The following BLTP1 variants were observed in gnomAD, a reference collection of about 807,000 sequenced individuals.
BLTP1 encodes fragile site-associated protein.
chr4:122,241,127 T>A, the BLTP1 span, among the ~76,000 whole-genome samples: 2 of 152,058 alleles, frequency 1.3e-5, no homozygotes, highest in African/African-American at 2.4e-5. Context: ...ACACCTAGAT[T>A]GTATTGAGAT....
the BLTP1 span, chr4:122,246,863 C>A: frequency 6.3e-7 from 1 of 1,582,424 alleles, no homozygotes; most frequent in East Asian, 2.3e-5. Flanking sequence ...GATGTAAAAG[C>A]AAGCCTTGAT....
At chr4:122,289,946 G>T in the BLTP1 span, 1 of 288,586 alleles carries the variant, frequency 3.5e-6, no homozygotes, top group African/African-American at 2.3e-5. Context: ...ATCAGAAAAG[G>T]CTTCTCAGAA....
chr4:122,216,136 T>TA, the BLTP1 span, among the ~76,000 whole-genome samples: 1 of 148,420 alleles, frequency 6.7e-6, no homozygotes. Context: ...TCTATCTATC[T>TA]ATCTATCTAC....
At chr4:122,298,269 G>A in the BLTP1 span, 2 of 925,608 alleles carry the variant, frequency 2.2e-6, no homozygotes, top group East Asian at 1.2e-4. Context: ...TGTGTTTGTT[G>A]TATCTCATGA....
chr4:122,288,903 T>G, the BLTP1 span: 1 of 344,036 alleles, frequency 2.9e-6, no homozygotes, highest in Non-Finnish European at 4.1e-6. Context: ...GGGAGTGTAC[T>G]ATAATAGTTT....
chr4:122,320,260 T>C, the BLTP1 span, among the ~76,000 whole-genome samples: 1 of 152,056 alleles, frequency 6.6e-6, no homozygotes, highest in Non-Finnish European at 1.5e-5. Flanking sequence ...GCAATCCTCC[T>C]GCTTCAGCCT....
the BLTP1 span, chr4:122,243,979 G>A: frequency 6.2e-7 from 1 of 1,610,762 alleles, no homozygotes; most frequent in Non-Finnish European, 8.5e-7. Context: ...GAAGTAAAAG[G>A]AACTGTTGAT....
At chr4:122,180,689 A>G in the BLTP1 span, among the ~76,000 whole-genome samples, 5 of 152,390 alleles carry the variant, frequency 3.3e-5, no homozygotes, top group South Asian at 1.0e-3. Flanking sequence ...GAAAAAAGAT[A>G]CGTATTTAAT....
the BLTP1 span, chr4:122,289,539 C>T: frequency 4.3e-5 from 42 of 984,008 alleles, no homozygotes; most frequent in South Asian, 1.7e-3. Context: ...TTGTCTATAC[C>T]AGATGATGGC....
the BLTP1 span, chr4:122,239,974 G>T: frequency 6.2e-7 from 1 of 1,614,134 alleles, no homozygotes; most frequent in Non-Finnish European, 8.5e-7. Context: ...TACAGTAGGG[G>T]TTCCATATAT....
At chr4:122,176,155 T>C in the BLTP1 span, among the ~76,000 whole-genome samples, 1 of 151,918 alleles carries the variant, frequency 6.6e-6, no homozygotes, top group Non-Finnish European at 1.5e-5. Context: ...TACAAAAAAT[T>C]AGCTGGGCGT....
the BLTP1 span, chr4:122,251,463 A>G: frequency 1.1e-6 from 1 of 929,062 alleles, no homozygotes; most frequent in Non-Finnish European, 1.3e-6. Flanking sequence ...GTTTTTATTT[A>G]ATATGTAGTT....
the BLTP1 span, among the ~76,000 whole-genome samples, chr4:122,153,748 G>A: frequency 1.3e-5 from 2 of 152,196 alleles, no homozygotes; most frequent in African/African-American, 4.8e-5. Context: ...TTAAACATAG[G>A]ATTTGATCTC....
At chr4:122,254,496 G>T in the BLTP1 span, 2 of 1,310,554 alleles carry the variant, frequency 1.5e-6, no homozygotes, top group East Asian at 5.1e-5. Context: ...CATATGTTCT[G>T]TAGACATTAG....
the BLTP1 span, chr4:122,209,855 A>G: frequency 1.2e-6 from 2 of 1,613,698 alleles, no homozygotes; most frequent in Admixed American, 1.7e-5. Context: ...CCCAAGTGTC[A>G]TGCTTACAAT....
the BLTP1 span, among the ~76,000 whole-genome samples, chr4:122,296,983 A>G: frequency 1.7e-4 from 26 of 152,254 alleles, no homozygotes; most frequent in South Asian, 2.7e-3. Context: ...GAAAATCTAG[A>G]CAATACCATT....
At chr4:122,200,805 G>C in the BLTP1 span, 2 of 801,116 alleles carry the variant, frequency 2.5e-6, no homozygotes, top group Non-Finnish European at 3.0e-6. Context: ...ACCACATCTT[G>C]ACTTAATATT....
chr4:122,235,728 G>C, the BLTP1 span: 10 of 152,330 alleles, frequency 6.6e-5, no homozygotes, highest in Admixed American at 2.6e-4. Flanking sequence ...TGGTGTGAAC[G>C]CGGGACGCGG....
chr4:122,216,425 C>T, the BLTP1 span, among the ~76,000 whole-genome samples: 1 of 152,130 alleles, frequency 6.6e-6, no homozygotes, highest in African/African-American at 2.4e-5. Context: ...ACACCAACAT[C>T]TATTATTTTT....
Sources: allele counts gnomAD v4.1 joint callset (sites outside exome capture counted in the v4.1 genomes callset), GRCh38; gene constraint gnomAD v4.1.1; transcripts MANE v1.5; gene names NCBI Gene and HGNC (gene_info 2026-07-23, HGNC 2026-07-21).